PDE4D: variants seen among roughly 807,000 people sequenced by gnomAD.
PDE4D encodes 3',5'-cyclic-AMP phosphodiesterase 4D.
Under a neutral mutation model 87.4 loss-of-function variants are expected in PDE4D, and 24 were observed. The ratio of observed to expected loss-of-function variants is 0.27; its 90% CI spans 0.20 to 0.39. PDE4D has a LOEUF of 0.39. Among genes scored for constraint, PDE4D ranks in the 10% least tolerant of loss-of-function variants. The pLI is 1.00. For synonymous variants in PDE4D, 384 were observed against 383.2 expected, an observed-to-expected ratio of 1.00 and a Z score of -0.02; for missense variants, 714 against 1,041.0, an observed-to-expected ratio of 0.69 and a Z score of 4.32.
chr5:60,244,053 A>G (rs1747432572), intron 1 of PDE4D, among the ~76,000 whole-genome samples: 1 of 151,928 alleles, frequency 6.6e-6, no homozygotes, highest in Non-Finnish European at 1.5e-5. Flanking sequence ...ATTTGGAAAA[A>G]CCTAAAGACT....
chr5:59,316,680 A>G (rs1581922030), intron 1 of PDE4D, among the ~76,000 whole-genome samples: 3 of 152,226 alleles, frequency 2.0e-5, no homozygotes, highest in African/African-American at 4.8e-5. Flanking sequence ...ACACAGCTCT[A>G]TGTAATGAAC....
chr5:60,203,942 T>C (rs1224383436), intron 1 of PDE4D, among the ~76,000 whole-genome samples: 1 of 152,232 alleles, frequency 6.6e-6, no homozygotes, highest in Non-Finnish European at 1.5e-5. Context: ...GATTAACATG[T>C]TTATAAAAAT....
chr5:59,610,733 G>A (rs1828888489), intron 1 of PDE4D, among the ~76,000 whole-genome samples: 1 of 152,112 alleles, frequency 6.6e-6, no homozygotes, highest in South Asian at 2.1e-4. Context: ...ACACCTCAAT[G>A]AAACAATAAG....
chr5:59,279,552 T>C (rs1201341162), intron 1 of PDE4D, among the ~76,000 whole-genome samples: 2 of 152,106 alleles, frequency 1.3e-5, no homozygotes, highest in Non-Finnish European at 2.9e-5. Flanking sequence ...TTTCCTATCT[T>C]CAGATTTCCT....
chr5:60,082,819 GCCTCC>G (rs1774099977), intron 2 of PDE4D, among the ~76,000 whole-genome samples: 1 of 152,022 alleles, frequency 6.6e-6, no homozygotes, highest in African/African-American at 2.4e-5. Context: ...TGCCATGCTG[GCCTCC>G]CATCAGTTCC....
intron 1 of PDE4D, among the ~76,000 whole-genome samples, chr5:60,516,399 A>G (rs1750803634): frequency 6.6e-6 from 1 of 152,290 alleles, no homozygotes; most frequent in East Asian, 1.9e-4. Context: ...TGTCTGGAGG[A>G]CACCTGTCTC....
At chr5:60,061,170 A>G (rs772202476) in intron 2 of PDE4D, among the ~76,000 whole-genome samples, 5 of 152,172 alleles carry the variant, frequency 3.3e-5, no homozygotes, top group Non-Finnish European at 5.9e-5. Flanking sequence ...TTGATCCTAT[A>G]TTTAGAAAAC....
intron 1 of PDE4D, among the ~76,000 whole-genome samples, chr5:59,547,000 T>A (rs702544): frequency 0.67 from 102,127 of 152,032 alleles, 35,841 homozygotes; most frequent in South Asian, 0.83. Context: ...CAGTAGTTCT[T>A]GTGGGCATTA....
chr5:59,608,431 G>A (rs1338732233), intron 1 of PDE4D, among the ~76,000 whole-genome samples: 3 of 152,130 alleles, frequency 2.0e-5, no homozygotes, highest in Non-Finnish European at 4.4e-5. Context: ...CTTAAAAACA[G>A]CATTAAAACT....
intron 1 of PDE4D, among the ~76,000 whole-genome samples, chr5:59,421,301 TA>T (rs1220307038): frequency 5.9e-5 from 9 of 152,190 alleles, no homozygotes; most frequent in Non-Finnish European, 1.2e-4. Context: ...CGTTTTAGTG[TA>T]ATTTACTAGT....
chr5:59,669,936 T>C (rs1473905849), intron 1 of PDE4D, among the ~76,000 whole-genome samples: 2 of 152,194 alleles, frequency 1.3e-5, no homozygotes, highest in Non-Finnish European at 2.9e-5. Context: ...AATTGTATAG[T>C]TATGATTCCA....
chr5:59,525,611 G>T (rs1416288423), intron 1 of PDE4D, among the ~76,000 whole-genome samples: 1 of 152,212 alleles, frequency 6.6e-6, no homozygotes. Context: ...AGAAAGATGA[G>T]ATTTTGGAGG....
chr5:59,441,253 C>T lies in PDE4D; in HGVS notation c.456-225285G>A, dbSNP rs148161490. On this transcript the variant is annotated intron_variant, in intron 1 of 14. Coordinates refer to ENST00000340635, the MANE Select transcript of PDE4D (RefSeq NM_001104631.2). The stretch of plus-strand genomic sequence containing the variant: ...GGAATTACAGGTATGGGCCACTGCA[C>T]AAGCTAATTTTTTAAAAATTTTTAG... Among the ~76,000 whole-genome samples, 4 of 152,228 alleles carry T rather than the reference C, an allele frequency of 2.6e-5. No individual in the cohort carries two copies. In the East Asian group the frequency reaches 5.8e-4, roughly 22 times the overall value.
At position 59,179,705 on chromosome 5, in the gene PDE4D, CATT is replaced by C. The variant is rs768897996; in HGVS notation, c.808+887_808+889del. On this transcript the variant is annotated intron_variant, in intron 5 of 14. Coordinates refer to ENST00000340635, the MANE Select transcript of PDE4D (RefSeq NM_001104631.2). The stretch of plus-strand genomic sequence containing the variant: ...ATAACTTAATAAGAGCTCCTCAGCA[CATT>C]ATGGGTTGGAGCTCAAGGAAGACAC... 9.2e-6 allele frequency: 4 copies of C among 435,476 alleles called. No homozygotes were observed. In the East Asian group the frequency reaches 2.9e-4, roughly 32 times the overall value. The allele number at this position is 435,476 out of a possible 1,614,324, so 27.0% of individuals were successfully genotyped here.
chr5:59,118,271 T>C (rs890797085), intron 5 of PDE4D, among the ~76,000 whole-genome samples: 5 of 152,208 alleles, frequency 3.3e-5, no homozygotes, highest in African/African-American at 4.8e-5. Flanking sequence ...CCAGGCTGAC[T>C]GAATCCCTCC....
intron 2 of PDE4D, among the ~76,000 whole-genome samples, chr5:60,132,784 G>A (rs772430578): frequency 9.2e-5 from 14 of 152,010 alleles, no homozygotes; most frequent in Non-Finnish European, 1.5e-4. Flanking sequence ...TTGAACCCAG[G>A]AGGCGGAGGT....
chr5:60,068,236 CTGTT>C (rs1772321390), intron 2 of PDE4D, among the ~76,000 whole-genome samples: 1 of 152,106 alleles, frequency 6.6e-6, no homozygotes, highest in African/African-American at 2.4e-5. Flanking sequence ...TTGCTATTTT[CTGTT>C]TTTTTTAACA....
At chr5:59,469,736 A>C (rs954676516) in intron 1 of PDE4D, among the ~76,000 whole-genome samples, 9 of 152,208 alleles carry the variant, frequency 5.9e-5, no homozygotes, top group Non-Finnish European at 1.2e-4. Context: ...GTCCCAAAAG[A>C]ATATGGGACT....
At chr5:59,071,195 T>A (rs1364462233) in intron 5 of PDE4D, among the ~76,000 whole-genome samples, 1 of 152,228 alleles carries the variant, frequency 6.6e-6, no homozygotes, top group Non-Finnish European at 1.5e-5. Flanking sequence ...CCCTTTTGAT[T>A]TTTGATCCTT....
Sources: allele counts gnomAD v4.1 joint callset (sites outside exome capture counted in the v4.1 genomes callset), GRCh38; gene constraint gnomAD v4.1.1; transcripts MANE v1.5; gene names NCBI Gene and HGNC (gene_info 2026-07-23, HGNC 2026-07-21).